The following CSNK1G2 variants were observed in gnomAD, a reference collection of about 807,000 sequenced individuals.
CSNK1G2 encodes the protein casein kinase I isoform gamma-2.
CSNK1G2 carries 11 observed loss-of-function variants against 48.0 expected under a neutral mutation model. The ratio of observed to expected loss-of-function variants is 0.23; its 90% confidence interval spans 0.14 to 0.38. The LOEUF (loss-of-function observed/expected upper bound fraction) is 0.38. Among genes scored for constraint, CSNK1G2 ranks in the 10% least tolerant of loss-of-function variants. The pLI is 1.00. For synonymous variants in CSNK1G2, 337 were observed against 254.1 expected, an observed-to-expected ratio of 1.33 and a Z score of -3.10; for missense variants, 446 against 595.5, an observed-to-expected ratio of 0.75 and a Z score of 2.61.
chr19:1,944,697 T>G (rs1466539409), intron 1 of CSNK1G2, among the ~76,000 whole-genome samples: 53 of 144,014 alleles, frequency 3.7e-4, no homozygotes, highest in East Asian at 1.3e-3. Flanking sequence ...CCTGGCTGGG[T>G]GGGGGGGGGT....
chr19:1,979,448 CCCCCA>C, intron 8 of CSNK1G2, 42 bp from the exon 9 acceptor site: 1 of 680,020 alleles, frequency 1.5e-6, no homozygotes, highest in Non-Finnish European at 2.4e-6. Context: ...CACCCCCCAC[CCCCCA>C]CCCCCACCCC....
chr19:1,969,465 G>T (rs540791464), intron 1 of CSNK1G2, 43 bp from the exon 2 acceptor site: 4 of 217,620 alleles, frequency 1.8e-5, no homozygotes, highest in African/African-American at 9.1e-5. Context: ...GTGGCCCCGC[G>T]GGGGCCTTGC....
At chr19:1,960,309 G>A (rs2015155796) in intron 1 of CSNK1G2, among the ~76,000 whole-genome samples, 1 of 152,184 alleles carries the variant, frequency 6.6e-6, no homozygotes, top group Non-Finnish European at 1.5e-5. Context: ...CCCCTGAGAT[G>A]GCCCACACGT....
chr19:1,978,224 C>A lies in CSNK1G2; in HGVS notation c.188-81C>A. ...TGGTCCTTCAGGGACCCCCTCCTGC[C>A]TCCTGCCTCGGGGGTGGGCTGGGGA... On this transcript the variant is annotated intron_variant, in intron 2 of 11. Transcript: ENST00000255641. This position sits in a 1 kb window ranked among gnomAD's most constrained non-coding sequence, Gnocchi z 7.3. The A allele has an allele frequency of 6.8e-7, 1 of 1,476,630 alleles. No individual in the cohort carries two copies. The highest frequency in any genetic ancestry group is 9.4e-7 in the Non-Finnish European group (1 of 1,059,472). 91.5% of individuals were successfully genotyped at this position (1,476,630 alleles called of 1,614,324 possible). A position where few individuals can be genotyped will look rare whatever the true frequency, so the allele number is the denominator to read the frequency against.
intron 9 of CSNK1G2, 31 bp from the exon 10 acceptor site, chr19:1,979,721 C>T: frequency 6.2e-7 from 1 of 1,603,598 alleles, no homozygotes; most frequent in Non-Finnish European, 8.5e-7. Context: ...GGCGCTGCAG[C>T]CCATCCTGAC....
intron 1 of CSNK1G2, among the ~76,000 whole-genome samples, chr19:1,955,764 C>T (rs955603412): frequency 1.1e-4 from 16 of 152,148 alleles, no homozygotes; most frequent in Non-Finnish European, 2.2e-4. Context: ...GGCTGCTGCT[C>T]GGCTCCGGGC....
Position 1,978,972 on chromosome 19 carries a change from C to G in CSNK1G2, c.561C>G (p.Ile187Met). The G allele has an allele frequency of 6.2e-7, 1 of 1,600,272 alleles. No individual in the cohort carries two copies. The highest frequency in any genetic ancestry group is 8.5e-7 in the Non-Finnish European group (1 of 1,179,686). ...AGCGGCAGCATGCCATCCACATCAT[C>G]GACTTCGGGCTGGCCAAGGAGTACA... ...GTKRQHAIHI[I>M]DFGLAKEYID... is the part of the protein sequence containing the mutation. The change falls in exon 6 of 12, where the codon ATC becomes ATG. Residue 187 changes from isoleucine to methionine, a missense_variant. Ile to Met is a conservative substitution (Grantham distance 10, BLOSUM62 1). Around this residue, in one of 2 missense-constraint regions of CSNK1G2, gnomAD observed 258 missense variants for 415.9 expected, o/e 0.62. Coordinates refer to ENST00000255641, the MANE Select transcript of CSNK1G2 (RefSeq NM_001319.7). The surrounding 1 kb of genome is among the most constrained non-coding windows in gnomAD (Gnocchi z 7.3).
At chr19:1,946,915 CATTT>C (rs1370841841) in intron 1 of CSNK1G2, among the ~76,000 whole-genome samples, 1 of 151,474 alleles carries the variant, frequency 6.6e-6, no homozygotes, top group Non-Finnish European at 1.5e-5. Context: ...CCGGCCTATT[CATTT>C]ATTTATTTAG....
chr19:1,947,607 G>A (rs1260541672), intron 1 of CSNK1G2, among the ~76,000 whole-genome samples: 1 of 152,192 alleles, frequency 6.6e-6, no homozygotes, highest in African/African-American at 2.4e-5. Context: ...TGACTTGCTG[G>A]GTGTGCCTTT....
Position 1,957,386 on chromosome 19 carries a change from A to C in CSNK1G2, c.-265-12122A>C, listed in dbSNP as rs539932970. Among the ~76,000 whole-genome samples, 4 of 152,196 alleles carry C rather than the reference A, an allele frequency of 2.6e-5. No homozygotes were observed. Among genetic ancestry groups the C allele is most frequent in the Admixed American group, 2.6e-4 (4 of 15,290 alleles). ...CCGGGGGAGAGATGTCCCGGGATGCACCAGGCGCTCGTGCAAACCAAGTGC... is the reference window on the plus strand; with the variant it reads ...CCGGGGGAGAGATGTCCCGGGATGCCCCAGGCGCTCGTGCAAACCAAGTGC... On this transcript the variant is annotated intron_variant, in intron 1 of 11. Coordinates refer to ENST00000255641, the MANE Select transcript of CSNK1G2 (RefSeq NM_001319.7). This position sits in a 1 kb window ranked among gnomAD's most constrained non-coding sequence, Gnocchi z 5.4.
chr19:1,966,048 G>A (rs945681856), intron 1 of CSNK1G2, among the ~76,000 whole-genome samples: 28 of 152,030 alleles, frequency 1.8e-4, no homozygotes, highest in African/African-American at 5.8e-4. Flanking sequence ...GTCTGCCTGC[G>A]TCAGCCTCCC....
Position 1,978,312 on chromosome 19 carries a change from T to C in CSNK1G2, c.195T>C (p.Asn65=), listed in dbSNP as rs954014697. Residue 65 remains asparagine (N), a synonymous_variant, in exon 3 of 12, where the codon AAT becomes AAC. Coordinates refer to ENST00000255641, the MANE Select transcript of CSNK1G2 (RefSeq NM_001319.7). This position sits in a 1 kb window ranked among gnomAD's most constrained non-coding sequence, Gnocchi z 7.3. ...GNFGELRLGK[N]LYTNEYVAIK... ...TGGTCTCTGTCCCCGCAGGAAAGAA[T>C]CTCTATACAAATGAATACGTGGCTA... 2 of 1,613,412 alleles carry C rather than the reference T, an allele frequency of 1.2e-6. No individual in the cohort carries two copies. The highest frequency in any genetic ancestry group is 1.7e-6 in the Non-Finnish European group (2 of 1,179,832).
chr19:1,970,331 C>G (rs2015524276), intron 2 of CSNK1G2, among the ~76,000 whole-genome samples: 1 of 152,280 alleles, frequency 6.6e-6, no homozygotes, highest in African/African-American at 2.4e-5. Context: ...GCCCGGCACT[C>G]AGCTCGTGGG....
At chr19:1,975,156 A>G (rs961871619) in intron 2 of CSNK1G2, 4 of 985,474 alleles carry the variant, frequency 4.1e-6, no homozygotes, top group Non-Finnish European at 4.8e-6. Context: ...CAGATGCATC[A>G]GAGCTTCAAA....
intron 1 of CSNK1G2, among the ~76,000 whole-genome samples, chr19:1,946,223 G>C (rs2014550135): frequency 6.6e-6 from 1 of 152,114 alleles, no homozygotes; most frequent in Non-Finnish European, 1.5e-5. Context: ...ACTGCAAGAG[G>C]CTCGGGGGTC....
intron 1 of CSNK1G2, chr19:1,953,378 G>T (rs1177007764): frequency 3.7e-6 from 2 of 533,904 alleles, no homozygotes; most frequent in South Asian, 2.8e-5. Context: ...GGGTGGGGGT[G>T]TTCTCACTTC....
chr19:1,962,826 C>A (rs896756645), intron 1 of CSNK1G2, among the ~76,000 whole-genome samples: 8 of 152,240 alleles, frequency 5.3e-5, no homozygotes, highest in Non-Finnish European at 1.2e-4. Flanking sequence ...ACGACCACTC[C>A]CAGCTATGTA....
In CSNK1G2 at chr19:1,941,199, C is replaced by T. The variant is rs993686452; in HGVS notation, c.-485C>T. 6 of 146,260 alleles carry T rather than the reference C, an allele frequency of 4.1e-5. No individual in the cohort carries two copies. The highest frequency in any genetic ancestry group is 9.8e-5 in the African/African-American group (4 of 40,826). The allele number at this position is 146,260 out of a possible 1,614,324, so 9.1% of individuals were successfully genotyped here. On this transcript the variant is annotated 5_prime_UTR_variant, in exon 1 of 12. Coordinates refer to ENST00000255641, the MANE Select transcript of CSNK1G2 (RefSeq NM_001319.7). ...ACGCTGGCGGCGTAAGGCGCGCGGG[C>T]CCCGGAGCGGGCGCGGCGGAGCGCG...
intron 1 of CSNK1G2, among the ~76,000 whole-genome samples, chr19:1,945,474 C>G (rs1379278400): frequency 1.3e-5 from 2 of 152,218 alleles, no homozygotes; most frequent in Non-Finnish European, 2.9e-5. Flanking sequence ...GGTGGCCCAG[C>G]GGCCTCCCTG....
Sources: allele counts gnomAD v4.1 joint callset (sites outside exome capture counted in the v4.1 genomes callset), GRCh38; gene constraint gnomAD v4.1.1; regional missense constraint gnomAD v4.1.1; non-coding constraint Gnocchi (gnomAD v3.1); transcripts MANE v1.5; gene names NCBI Gene and HGNC (gene_info 2026-07-23, HGNC 2026-07-21).